TNKS: variants seen among roughly 807,000 people sequenced by gnomAD.
TNKS encodes the protein tankyrase.
In TNKS, 72 loss-of-function variants were observed where a neutral mutation model predicts 135.8. The observed-to-expected ratio is 0.53, with a 90% CI of 0.44 to 0.64. The LOEUF (loss-of-function observed/expected upper bound fraction) is 0.64, where lower values mean the gene tolerates loss of function less well. TNKS is among the 30% of genes least tolerant of loss of function. The pLI is 0.00. For missense variants in TNKS, 1,769 were observed against 1,674.0 expected, an observed-to-expected ratio of 1.06 and a Z score of -0.99; for synonymous variants, 849 against 649.3, an observed-to-expected ratio of 1.31 and a Z score of -4.68.
At chr8:9,715,458 T>G (rs1220965329) in intron 11 of TNKS, among the ~76,000 whole-genome samples, 4 of 152,086 alleles carry the variant, frequency 2.6e-5, no homozygotes, top group Non-Finnish European at 5.9e-5. Flanking sequence ...GGCCACCTGG[T>G]ACCACCTGTA....
Position 9,615,806 on chromosome 8 carries a change from A to T in TNKS, c.994+129A>T, listed in dbSNP as rs73537997. ...GCAAATATATCTGCCATTATCTACT[A>T]CTTTATTATTGATTTGATATCTGTC... On this transcript the variant is annotated intron_variant, in intron 3 of 26. Transcript: ENST00000310430. The T allele has an allele frequency of 9.1e-4, 585 of 645,916 alleles. 3 individuals carry two copies. The African/African-American group carries it at 9.1e-3, about 10-fold the overall frequency. 40.0% of individuals were successfully genotyped at this position (645,916 alleles called of 1,614,324 possible). A position where few individuals can be genotyped will look rare whatever the true frequency, so the allele number is the denominator to read the frequency against.
rs551128632 is a variant in TNKS at position 9,597,150 on chromosome 8, A to C, written c.898+16767A>C. Among the ~76,000 whole-genome samples, 57 of 152,274 alleles carry C rather than the reference A, an allele frequency of 3.7e-4. 1 individual carries two copies. The highest frequency in any genetic ancestry group is 7.6e-4 in the Non-Finnish European group (52 of 68,044). ...TTAAGTATGAATTGCAATGTATCAC[A>C]TACAGACTGATTTTACACATTTGCT... is the stretch of plus-strand genomic sequence containing the variant. On this transcript the variant is annotated intron_variant, in intron 2 of 26. Coordinates refer to ENST00000310430, the MANE Select transcript of TNKS (RefSeq NM_003747.3).
chr8:9,694,441 T>A (rs570342421), intron 5 of TNKS, among the ~76,000 whole-genome samples: 124 of 152,270 alleles, frequency 8.1e-4, no homozygotes, highest in African/African-American at 2.8e-3. Context: ...GGCAAGTGTT[T>A]TCAGGACCAG....
intron 2 of TNKS, among the ~76,000 whole-genome samples, chr8:9,598,763 G>GTGTATA (rs1798896114): frequency 1.7e-5 from 1 of 58,720 alleles, no homozygotes; most frequent in African/African-American, 5.9e-5. Context: ...ATATGTGTGT[G>GTGTATA]TGTATATATA....
At chr8:9,708,058 A>C (rs1326365679) in intron 8 of TNKS, among the ~76,000 whole-genome samples, 1 of 152,212 alleles carries the variant, frequency 6.6e-6, no homozygotes, top group African/African-American at 2.4e-5. Flanking sequence ...ATATGTGCAC[A>C]CAAATTATTT....
In TNKS at chr8:9,764,733, A is replaced by G. The variant is rs1807333106; in HGVS notation, c.3390A>G (p.Arg1130=). Reference sequence around the variant, plus strand: ...TTCTGTAGATGCAAAGTACTATTCGAGAACACAGAGATGGTGGTAATGCTG... The same window carrying G: ...TTCTGTAGATGCAAAGTACTATTCGGGAACACAGAGATGGTGGTAATGCTG... ...SVEEEMQSTI[R]EHRDGGNAGG... is the part of the protein sequence containing the mutation. Residue 1130 remains arginine (R), a synonymous_variant, in exon 23 of 27, where the codon CGA becomes CGG. Transcript: ENST00000310430. 1.1e-5 allele frequency: 17 copies of G among 1,599,154 alleles called. No homozygotes were observed. Among genetic ancestry groups the G allele is most frequent in the Non-Finnish European group, 1.4e-5 (17 of 1,175,220 alleles).
chr8:9,619,132 G>C (rs1400885209), intron 3 of TNKS, among the ~76,000 whole-genome samples: 2 of 152,160 alleles, frequency 1.3e-5, no homozygotes, highest in East Asian at 3.9e-4. Flanking sequence ...TTCAGTCTTA[G>C]CATCCATGGA....
chr8:9,587,296 C>G (rs376824447), intron 2 of TNKS, among the ~76,000 whole-genome samples: 2 of 151,942 alleles, frequency 1.3e-5, no homozygotes, highest in East Asian at 3.9e-4. Flanking sequence ...AAAGGGTTCC[C>G]TAAACTAAGG....
Position 9,776,647 on chromosome 8 carries a change from C to A in TNKS, c.3898-3C>A. ...GATTTGTTTTTCTTCTTGTCCTTCC[C>A]AGGCATACCCAGAGTATCTTATCAC... On this transcript the variant is annotated splice_region_variant and splice_polypyrimidine_tract_variant and intron_variant, in intron 26 of 26. Transcript: ENST00000310430. The A allele has an allele frequency of 6.2e-7, 1 of 1,613,736 alleles. No homozygotes were observed. The highest frequency in any genetic ancestry group is 8.5e-7 in the Non-Finnish European group (1 of 1,179,744).
At chr8:9,725,663 T>G (rs1194325640) in intron 12 of TNKS, among the ~76,000 whole-genome samples, 1 of 152,200 alleles carries the variant, frequency 6.6e-6, no homozygotes, top group African/African-American at 2.4e-5. Flanking sequence ...TTGTCCAAAG[T>G]TGTAGATTAT....
chr8:9,578,158 C>G (rs1290841843), intron 1 of TNKS, among the ~76,000 whole-genome samples: 3 of 152,290 alleles, frequency 2.0e-5, no homozygotes, highest in East Asian at 3.9e-4. Flanking sequence ...CATGGCTGCT[C>G]TCAAGGGCTG....
At chr8:9,666,239 T>C (rs987270288) in intron 3 of TNKS, among the ~76,000 whole-genome samples, 6 of 152,214 alleles carry the variant, frequency 3.9e-5, no homozygotes, top group African/African-American at 1.4e-4. Context: ...ATTGTGGATA[T>C]AGTAGGGTAA....
rs1563199527 is a variant in TNKS, at chr8:9,735,096, C to G, written c.2533+12C>G. ...TCTGCACCTGGCAGGTAAGCGCCCCCAGTGCCTCCAAGCCTCCTTTTCCTT... is the reference window on the plus strand; with the variant it reads ...TCTGCACCTGGCAGGTAAGCGCCCCGAGTGCCTCCAAGCCTCCTTTTCCTT... On this transcript the variant is annotated intron_variant, in intron 16 of 26. Coordinates refer to ENST00000310430, the MANE Select transcript of TNKS (RefSeq NM_003747.3). 2 of 1,609,982 alleles carry G rather than the reference C, an allele frequency of 1.2e-6. No individual in the cohort carries two copies. The highest frequency in any genetic ancestry group is 1.7e-6 in the Non-Finnish European group (2 of 1,178,354).
At chr8:9,721,280 C>G (rs1338595096) in intron 12 of TNKS, among the ~76,000 whole-genome samples, 2 of 42,900 alleles carry the variant, frequency 4.7e-5, no homozygotes, top group Non-Finnish European at 1.1e-4. Flanking sequence ...AACTCTGTCT[C>G]AAAAATAAAT....
chr8:9,569,800 C>T (rs1163443143), intron 1 of TNKS, among the ~76,000 whole-genome samples: 2 of 151,914 alleles, frequency 1.3e-5, no homozygotes, highest in East Asian at 3.9e-4. Flanking sequence ...TTTTCTTTTG[C>T]CTTTTGGTGT....
At chr8:9,574,527 A>G (rs146826838) in intron 1 of TNKS, among the ~76,000 whole-genome samples, 191 of 152,310 alleles carry the variant, frequency 1.3e-3, no homozygotes, top group African/African-American at 4.4e-3. Flanking sequence ...TAGCTGACAG[A>G]TGATCCTTTT....
chr8:9,719,312 A>C (rs1804754487), intron 11 of TNKS, among the ~76,000 whole-genome samples: 1 of 152,154 alleles, frequency 6.6e-6, no homozygotes, highest in Admixed American at 6.5e-5. Context: ...TCTTGTATTT[A>C]GTGGGTGTAC....
chr8:9,669,472 G>T (rs1297891841), intron 3 of TNKS, among the ~76,000 whole-genome samples: 1 of 151,808 alleles, frequency 6.6e-6, no homozygotes, highest in African/African-American at 2.4e-5. Flanking sequence ...TAGGGACAAG[G>T]CATTGTATGG....
chr8:9,637,356 T>C (rs1053943559), intron 3 of TNKS, among the ~76,000 whole-genome samples: 2 of 152,190 alleles, frequency 1.3e-5, no homozygotes, highest in African/African-American at 4.8e-5. Flanking sequence ...TCAGGTTCTT[T>C]CTTTGTGGGG....
Sources: gnomAD v4.1 joint callset for allele counts (sites outside exome capture counted in the v4.1 genomes callset) on GRCh38, gnomAD v4.1.1 for gene constraint, MANE v1.5 for transcripts, NCBI Gene and HGNC (gene_info 2026-07-23, HGNC 2026-07-21) for gene names.